SGK1: variants seen among roughly 807,000 people sequenced by gnomAD.
The protein encoded by SGK1 is serum/glucocorticoid regulated kinase 1.
SGK1 carries 26 observed loss-of-function variants against 64.2 expected under a neutral mutation model. The ratio of observed to expected loss-of-function variants is 0.40; its 90% CI spans 0.30 to 0.56. The LOEUF (loss-of-function observed/expected upper bound fraction) is 0.56. Among genes scored for constraint, SGK1 ranks in the 20% least tolerant of loss-of-function variants. SGK1 has a pLI of 0.38. For synonymous variants in SGK1, 265 were observed against 239.7 expected (o/e 1.11, Z -0.98); for missense variants, 519 against 645.6 (o/e 0.80, Z 2.12).
chr6:134,204,253 TAAATA>T (rs1775731779), intron 3 of SGK1, among the ~76,000 whole-genome samples: 2 of 150,596 alleles, frequency 1.3e-5, no homozygotes, highest in Admixed American at 1.3e-4. Flanking sequence ...AATAAATAAA[TAAATA>T]AATAAATAAT....
chr6:134,172,172 C>A (rs771512444), intron 10 of SGK1, 21 bp downstream of exon 10: 5 of 1,610,500 alleles, frequency 3.1e-6, no homozygotes, highest in Non-Finnish European at 4.2e-6. Flanking sequence ...AAACCAGGCA[C>A]CAAACCAAGA....
chr6:134,206,352 TATATATATATATATATATATATATA>T (rs1382657859), intron 3 of SGK1, among the ~76,000 whole-genome samples: 218 of 10,140 alleles, frequency 0.021, 8 homozygotes, highest in Non-Finnish European at 0.04. Context: ...TATATATATA[TATATATATATATATATATATATATA>T]TATATATTTT....
At chr6:134,279,804 T>C (rs1777067536) in intron 1 of SGK1, among the ~76,000 whole-genome samples, 1 of 152,198 alleles carries the variant, frequency 6.6e-6, no homozygotes, top group African/African-American at 2.4e-5. Flanking sequence ...TGGTTCTACA[T>C]ACGAATTTGA....
At chr6:134,267,163 CAAAAT>C (rs1377793476) in intron 1 of SGK1, among the ~76,000 whole-genome samples, 2 of 151,978 alleles carry the variant, frequency 1.3e-5, no homozygotes, top group Non-Finnish European at 2.9e-5. Flanking sequence ...TTATGGCCAA[CAAAAT>C]AAAATTTTTT....
chr6:134,216,277 A>T (rs1775979222), intron 2 of SGK1, among the ~76,000 whole-genome samples: 2 of 152,176 alleles, frequency 1.3e-5, no homozygotes, highest in African/African-American at 4.8e-5. Flanking sequence ...CTAAGATACA[A>T]AAGAAATTCT....
At chr6:134,206,371 ATATATATATATAT>A (rs1247659177) in intron 3 of SGK1, among the ~76,000 whole-genome samples, 2 of 4,974 alleles carry the variant, frequency 4.0e-4, no homozygotes, top group South Asian at 9.6e-3. Flanking sequence ...ATATATATAT[ATATATATATATAT>A]TTTTTTTTTT....
chr6:134,311,833 C>T (rs1777613142), intron 1 of SGK1, among the ~76,000 whole-genome samples: 1 of 152,092 alleles, frequency 6.6e-6, no homozygotes, highest in Non-Finnish European at 1.5e-5. Context: ...CTGGAGTCTC[C>T]GCCGTGTTCC....
intron 2 of SGK1, among the ~76,000 whole-genome samples, chr6:134,247,295 T>C (rs1455767794): frequency 6.6e-6 from 1 of 152,152 alleles, no homozygotes; most frequent in African/African-American, 2.4e-5. Flanking sequence ...TGAAACATCC[T>C]GTGTAGCAAC....
chr6:134,260,371 C>CCCT (rs1776746852), intron 2 of SGK1: 1 of 100,962 alleles, frequency 9.9e-6, no homozygotes, highest in Non-Finnish European at 2.3e-5. Context: ...GTCCCCGACC[C>CCCT]CCACCCCCCC....
intron 2 of SGK1, among the ~76,000 whole-genome samples, chr6:134,213,745 A>C (rs1775931713): frequency 6.6e-6 from 1 of 152,174 alleles, no homozygotes; most frequent in African/African-American, 2.4e-5. Context: ...GGCTGAATCC[A>C]CATGGGCTCT....
In SGK1 at chr6:134,171,018, C is replaced by A. The variant is rs1450996539; in HGVS notation, c.1323+5G>T. 6.2e-7 allele frequency: 1 copy of A among 1,614,052 alleles called. No individual in the cohort carries two copies. The highest frequency in any genetic ancestry group is 8.5e-7 in the Non-Finnish European group (1 of 1,179,938). ...GGCCCAGGAGGACAGGAAAACATCA[C>A]TCACGAAGTCATCCTTGGCCCCGAG... On this transcript the variant is annotated splice_donor_5th_base_variant and intron_variant, in intron 12 of 13. Coordinates refer to ENST00000367858, the MANE Select transcript of SGK1 (RefSeq NM_001143676.3).
chr6:134,270,218 G>A lies in SGK1; in HGVS notation c.70-8070C>T, dbSNP rs931480571. Among the ~76,000 whole-genome samples the A allele has an allele frequency of 9.9e-4, 146 of 147,914 alleles. 13 individuals carry two copies. The highest frequency in any genetic ancestry group is 1.6e-4 in the Non-Finnish European group (11 of 66,772). ...GTTGGGATTACAGGCGTGAGCCACC[G>A]CACCAGGCCTATTACTGTCTTTTCT... is the stretch of plus-strand genomic sequence containing the variant. On this transcript the variant is annotated intron_variant, in intron 1 of 13. Coordinates refer to ENST00000367858, the MANE Select transcript of SGK1 (RefSeq NM_001143676.3).
At chr6:134,297,836 G>C in intron 1 of SGK1, 2 of 721,656 alleles carry the variant, frequency 2.8e-6, no homozygotes, top group Admixed American at 3.6e-5. Context: ...GGTCATCCCC[G>C]TGCTTCCCAG....
intron 2 of SGK1, among the ~76,000 whole-genome samples, chr6:134,233,928 G>T (rs1268677711): frequency 6.6e-6 from 1 of 151,976 alleles, no homozygotes; most frequent in Non-Finnish European, 1.5e-5. Context: ...ACCTATTTTA[G>T]TTGTAGTTAT....
At chr6:134,284,271 TA>T (rs1158682945) in intron 1 of SGK1, among the ~76,000 whole-genome samples, 1 of 151,742 alleles carries the variant, frequency 6.6e-6, no homozygotes, top group African/African-American at 2.4e-5. Flanking sequence ...TTTGTATTTT[TA>T]GTAGAGACAG....
At chr6:134,232,639 C>A (rs1776307940) in intron 2 of SGK1, among the ~76,000 whole-genome samples, 1 of 151,706 alleles carries the variant, frequency 6.6e-6, no homozygotes, top group African/African-American at 2.4e-5. Flanking sequence ...TCAATTGAGT[C>A]CAGGAGTTCG....
At chr6:134,250,527 C>T (rs1776591547) in intron 2 of SGK1, among the ~76,000 whole-genome samples, 2 of 152,158 alleles carry the variant, frequency 1.3e-5, no homozygotes, top group African/African-American at 4.8e-5. Context: ...ATCCTGAACA[C>T]TATGGACAAA....
intron 2 of SGK1, among the ~76,000 whole-genome samples, chr6:134,239,393 A>G (rs1562261642): frequency 1.3e-5 from 2 of 152,268 alleles, no homozygotes; most frequent in Non-Finnish European, 2.9e-5. Flanking sequence ...AGTCAGAGAT[A>G]TATTTGTGAA....
chr6:134,184,797 C>T (rs570327287), intron 3 of SGK1, among the ~76,000 whole-genome samples: 3 of 152,260 alleles, frequency 2.0e-5, no homozygotes, highest in African/African-American at 7.2e-5. Flanking sequence ...AATCTTCCCA[C>T]CTCAGCCTCT....
Sources: gnomAD v4.1 joint callset for allele counts (sites outside exome capture counted in the v4.1 genomes callset) on GRCh38, gnomAD v4.1.1 for gene constraint, MANE v1.5 for transcripts, NCBI Gene and HGNC (gene_info 2026-07-23, HGNC 2026-07-21) for gene names.